Variants in CNTN5 observed in about 807,000 individuals in gnomAD.
CNTN5 encodes contactin-5.
CNTN5 carries 77 observed loss-of-function variants against 129.1 expected under a neutral mutation model. That is an observed-to-expected ratio of 0.60 (90% CI 0.50 to 0.72). CNTN5 has a LOEUF of 0.72. Ranked by LOEUF, CNTN5 falls within the 30% of genes least tolerant of loss-of-function variation. The pLI, the probability that CNTN5 is intolerant of heterozygous loss-of-function variation, is 0.00. For synonymous variants in CNTN5, 509 were observed against 465.6 expected (o/e 1.09, Z -1.20); for missense variants, 1,478 against 1,328.8 (o/e 1.11, Z -1.75).
intron 1 of CNTN5, among the ~76,000 whole-genome samples, chr11:99,055,337 A>C (rs965427210): frequency 6.6e-6 from 1 of 152,034 alleles, no homozygotes; most frequent in Non-Finnish European, 1.5e-5. Context: ...ATTATGCCTG[A>C]CTAATTTAAG....
At chr11:99,500,162 G>A (rs1463929223) in intron 2 of CNTN5, among the ~76,000 whole-genome samples, 3 of 152,126 alleles carry the variant, frequency 2.0e-5, no homozygotes, top group Non-Finnish European at 4.4e-5. Context: ...CAAATATTAG[G>A]CTGGCGCAAA....
chr11:99,644,737 T>C (rs1268944480), intron 3 of CNTN5, among the ~76,000 whole-genome samples: 1 of 152,202 alleles, frequency 6.6e-6, no homozygotes, highest in African/African-American at 2.4e-5. Context: ...AAGTTATTGA[T>C]ATATTTGAAC....
intron 15 of CNTN5, among the ~76,000 whole-genome samples, chr11:100,212,676 G>GGCTAGAGTAGATGATTCCTAA (rs1949058072): frequency 6.6e-6 from 1 of 152,040 alleles, no homozygotes; most frequent in South Asian, 2.1e-4. Flanking sequence ...AAAGTTAAAA[G>GGCTAGAGTAGATGATTCCTAA]GCTAGAGTAG....
At chr11:99,109,910 T>TA in intron 1 of CNTN5, among the ~76,000 whole-genome samples, 1 of 152,284 alleles carries the variant, frequency 6.6e-6, no homozygotes. Flanking sequence ...CTAGAATCTT[T>TA]ACTAAGCTCA....
intron 3 of CNTN5, among the ~76,000 whole-genome samples, chr11:99,640,758 T>A (rs889181536): frequency 3.9e-5 from 6 of 152,210 alleles, no homozygotes; most frequent in African/African-American, 1.4e-4. Context: ...CTGTACTACC[T>A]AGGTTTGTGT....
chr11:99,217,733 T>G (rs1046383362), intron 1 of CNTN5, among the ~76,000 whole-genome samples: 2 of 152,100 alleles, frequency 1.3e-5, no homozygotes, highest in African/African-American at 4.8e-5. Context: ...CTTGTACCAT[T>G]AAATCTACCA....
At chr11:100,050,392 G>A (rs184654218) in intron 9 of CNTN5, among the ~76,000 whole-genome samples, 2,023 of 151,502 alleles carry the variant, frequency 0.013, 40 homozygotes, top group African/African-American at 0.045. Flanking sequence ...ACCAAACACC[G>A]CATATTCTCA....
At chr11:99,035,172 G>A (rs960816592) in intron 1 of CNTN5, among the ~76,000 whole-genome samples, 5 of 151,512 alleles carry the variant, frequency 3.3e-5, no homozygotes, top group Admixed American at 3.3e-4. Context: ...CATTTGCCGA[G>A]GAGAGCTTTA....
rs553262168 is a variant in CNTN5, at chr11:99,675,882, A to G, written c.55+119613A>G. Among the ~76,000 whole-genome samples the G allele has an allele frequency of 5.9e-5, 9 of 152,280 alleles. No individual in the cohort carries two copies. In the East Asian group the frequency reaches 1.7e-3, roughly 29 times the overall value. On this transcript the variant is annotated intron_variant, in intron 3 of 24. Coordinates refer to ENST00000524871, the MANE Select transcript of CNTN5 (RefSeq NM_014361.4). The stretch of plus-strand genomic sequence containing the variant: ...TTCATTTCCTTGCAAAAAGGAAACA[A>G]TTGTATCTGACTTGTTACTCTCTAG...
chr11:100,307,874 T>G (rs1951388337), intron 20 of CNTN5, among the ~76,000 whole-genome samples: 1 of 151,684 alleles, frequency 6.6e-6, no homozygotes, highest in South Asian at 2.1e-4. Context: ...AAGCCAACCT[T>G]TAAATCTATG....
At chr11:100,158,519 C>T (rs752264264) in intron 13 of CNTN5, among the ~76,000 whole-genome samples, 6 of 151,606 alleles carry the variant, frequency 4.0e-5, no homozygotes, top group Middle Eastern at 3.4e-3. Context: ...GGGAAAAATG[C>T]GATAAAGTAG....
In CNTN5 at chr11:99,052,295, C is replaced by T. The variant is rs142169207; in HGVS notation, c.-210+31025C>T. Among the ~76,000 whole-genome samples the T allele has an allele frequency of 6.8e-3, 1,039 of 151,918 alleles. 13 individuals carry two copies. Among genetic ancestry groups the T allele is most frequent in the African/African-American group, 0.023 (942 of 41,500 alleles). ...AAATGGTAAAAAATCTTGAAAAGTA[C>T]AGCTATGCTCCATGTAACATTTCAG... On this transcript the variant is annotated intron_variant, in intron 1 of 24. Coordinates refer to ENST00000524871, the MANE Select transcript of CNTN5 (RefSeq NM_014361.4).
chr11:99,410,811 TG>T (rs758392928), intron 2 of CNTN5, among the ~76,000 whole-genome samples: 7 of 152,214 alleles, frequency 4.6e-5, no homozygotes, highest in Non-Finnish European at 7.4e-5. Flanking sequence ...TCATTATAGC[TG>T]TTGCTCACTC....
intron 9 of CNTN5, among the ~76,000 whole-genome samples, chr11:100,048,448 A>G (rs1299351596): frequency 6.6e-6 from 1 of 152,176 alleles, no homozygotes; most frequent in Non-Finnish European, 1.5e-5. Flanking sequence ...ATATGTATAA[A>G]TCTATCTCTT....
chr11:99,735,266 A>C (rs1046531437), intron 3 of CNTN5, among the ~76,000 whole-genome samples: 1 of 152,198 alleles, frequency 6.6e-6, no homozygotes, highest in African/African-American at 2.4e-5. Context: ...TTCCTGTAAA[A>C]CATAAAGTAA....
At chr11:100,346,620 C>A (rs1333534486) in intron 23 of CNTN5, among the ~76,000 whole-genome samples, 1 of 152,094 alleles carries the variant, frequency 6.6e-6, no homozygotes, top group East Asian at 1.9e-4. Context: ...GTTTTCAAAT[C>A]TGTATCTAGA....
At chr11:99,040,267 G>T (rs1863936099) in intron 1 of CNTN5, among the ~76,000 whole-genome samples, 1 of 152,090 alleles carries the variant, frequency 6.6e-6, no homozygotes, top group Admixed American at 6.5e-5. Context: ...TTTTGTCACT[G>T]TATTTGTGTG....
chr11:100,175,050 C>T (rs1238500829), intron 13 of CNTN5, among the ~76,000 whole-genome samples: 4 of 152,190 alleles, frequency 2.6e-5, no homozygotes, highest in Non-Finnish European at 5.9e-5. Context: ...CTTTCATTTC[C>T]ATCATCTGTA....
chr11:99,683,146 A>G (rs758101302), intron 3 of CNTN5, among the ~76,000 whole-genome samples: 3 of 151,876 alleles, frequency 2.0e-5, no homozygotes, highest in African/African-American at 2.4e-5. Flanking sequence ...TTTGATAATA[A>G]AAGTTTCTAA....
Sources: allele counts gnomAD v4.1 joint callset (sites outside exome capture counted in the v4.1 genomes callset), GRCh38; gene constraint gnomAD v4.1.1; transcripts MANE v1.5; gene names NCBI Gene and HGNC (gene_info 2026-07-23, HGNC 2026-07-21).